Variants in ARFGEF3 observed in about 807,000 individuals in gnomAD.
ARFGEF3 encodes ARFGEF family member 3, also known as brefeldin A-inhibited guanine nucleotide-exchange protein 3.
ARFGEF3 carries 96 observed loss-of-function variants against 221.7 expected under a neutral mutation model. The observed-to-expected ratio is 0.43, with a 90% confidence interval of 0.37 to 0.51. ARFGEF3 has a LOEUF of 0.51. ARFGEF3 is among the 20% of genes least tolerant of loss of function. The pLI is 0.00. For missense variants in ARFGEF3, 2,410 were observed against 2,789.9 expected (o/e 0.86, Z 3.07); for synonymous variants, 1,145 against 1,126.8 (o/e 1.02, Z -0.32).
At position 138,169,319 on chromosome 6, in the gene ARFGEF3, T is replaced by C. The variant is rs557085934; in HGVS notation, c.86-1343T>C. ...CCTTGGGTTCCACACTGATCCCATGTGCCTGGGAGTCTCACTGCACTTAGA... is the reference window on the plus strand; with the variant it reads ...CCTTGGGTTCCACACTGATCCCATGCGCCTGGGAGTCTCACTGCACTTAGA... On this transcript the variant is annotated intron_variant, in intron 1 of 33. Transcript: ENST00000251691. Among the ~76,000 whole-genome samples, 92 of 152,364 alleles carry C rather than the reference T, an allele frequency of 6.0e-4. No homozygotes were observed. The South Asian group carries it at 0.011, about 18-fold the overall frequency.
intron 31 of ARFGEF3, among the ~76,000 whole-genome samples, chr6:138,325,693 G>A (rs1370323097): frequency 6.6e-6 from 1 of 152,194 alleles, no homozygotes; most frequent in Non-Finnish European, 1.5e-5. Flanking sequence ...ATTTGCACGT[G>A]TGCACACAGT....
chr6:138,327,733 T>G (rs376475625), intron 31 of ARFGEF3, among the ~76,000 whole-genome samples: 1 of 152,190 alleles, frequency 6.6e-6, no homozygotes, highest in African/African-American at 2.4e-5. Context: ...TAATATTAAG[T>G]GTCAATACCT....
chr6:138,191,051 A>G (rs1777294763), intron 2 of ARFGEF3, among the ~76,000 whole-genome samples: 1 of 152,156 alleles, frequency 6.6e-6, no homozygotes, highest in South Asian at 2.1e-4. Flanking sequence ...GATAATAGCC[A>G]CTGCCCCAAT....
rs142646076 is a variant in ARFGEF3 at position 138,334,678 on chromosome 6, G to A, written c.5832G>A (p.Gln1944=). The change falls in exon 33 of 34, where the codon CAG becomes CAA. Residue 1944 remains glutamine (Q), a synonymous_variant. Coordinates refer to ENST00000251691, the MANE Select transcript of ARFGEF3 (RefSeq NM_020340.5). This position sits in a 1 kb window ranked among gnomAD's most constrained non-coding sequence, Gnocchi z 5.1. ...GDPFFILPSF[Q]SESSTPSTGG... ...CGTTCTTCATCCTGCCCTCCTTCCA[G>A]TCCGAGTCATCCACCCCATCCACCG... 7.4e-6 allele frequency: 12 copies of A among 1,612,270 alleles called. No individual in the cohort carries two copies. In the African/African-American group the frequency reaches 1.5e-4, roughly 20 times the overall value.
At chr6:138,215,502 C>T (rs1777824289) in intron 4 of ARFGEF3, among the ~76,000 whole-genome samples, 1 of 152,080 alleles carries the variant, frequency 6.6e-6, no homozygotes, top group African/African-American at 2.4e-5. Context: ...TTTTTATGCA[C>T]CAGACATATT....
At chr6:138,166,030 C>T (rs1253249047) in intron 1 of ARFGEF3, among the ~76,000 whole-genome samples, 1 of 152,158 alleles carries the variant, frequency 6.6e-6, no homozygotes, top group Non-Finnish European at 1.5e-5. Flanking sequence ...GGAAAAATGG[C>T]TTCCTGGAAG....
intron 2 of ARFGEF3, among the ~76,000 whole-genome samples, chr6:138,206,612 C>T (rs1419631392): frequency 6.6e-6 from 1 of 152,244 alleles, no homozygotes; most frequent in East Asian, 1.9e-4. Flanking sequence ...GATGGTGATG[C>T]ATATAATTTC....
Position 138,162,289 on chromosome 6 carries a change from C to A in ARFGEF3, c.85+118C>A, listed in dbSNP as rs1582988801. 9.8e-6 allele frequency: 6 copies of A among 614,770 alleles called. No individual in the cohort carries two copies. The highest frequency in any genetic ancestry group is 7.1e-5 in the East Asian group (2 of 28,204). The allele number at this position is 614,770 out of a possible 1,614,324, so 38.1% of individuals were successfully genotyped here. A position where few individuals can be genotyped will look rare whatever the true frequency, so the allele number is the denominator to read the frequency against. ...GTCATGGGTGCCGTTCTGGCGATTG[C>A]GAGAGTCGCCTCGGGAAATTGATGT... On this transcript the variant is annotated intron_variant, in intron 1 of 33. Coordinates refer to ENST00000251691, the MANE Select transcript of ARFGEF3 (RefSeq NM_020340.5). This position sits in a 1 kb window ranked among gnomAD's most constrained non-coding sequence, Gnocchi z 4.7.
chr6:138,327,149 C>G (rs7743770), intron 31 of ARFGEF3, among the ~76,000 whole-genome samples: 22,753 of 152,170 alleles, frequency 0.15, 2,938 homozygotes, highest in African/African-American at 0.36. Flanking sequence ...ACAGCTAATG[C>G]ATGCTAGGCT....
intron 27 of ARFGEF3, among the ~76,000 whole-genome samples, chr6:138,318,893 A>G (rs865890680): frequency 4.9e-4 from 75 of 152,230 alleles, no homozygotes; most frequent in African/African-American, 1.8e-3. Context: ...CTGTACGTAA[A>G]TACAATAGAA....
At chr6:138,176,216 G>C (rs1228146709) in intron 2 of ARFGEF3, among the ~76,000 whole-genome samples, 5 of 137,746 alleles carry the variant, frequency 3.6e-5, no homozygotes, top group African/African-American at 5.4e-5. Flanking sequence ...GAGTCTTGCT[G>C]TGTCACCCAG....
At chr6:138,246,236 G>A (rs1204551915) in intron 8 of ARFGEF3, among the ~76,000 whole-genome samples, 3 of 151,808 alleles carry the variant, frequency 2.0e-5, no homozygotes, top group Admixed American at 1.3e-4. Context: ...CTTTCAACAT[G>A]GGGCGAAAAG....
intron 2 of ARFGEF3, among the ~76,000 whole-genome samples, chr6:138,197,824 C>A (rs774899438): frequency 2.0e-5 from 3 of 152,182 alleles, no homozygotes; most frequent in Non-Finnish European, 4.4e-5. Context: ...ACTCTCCTTA[C>A]ATCAGTCAAG....
chr6:138,304,904 A>G (rs915700375), intron 22 of ARFGEF3, among the ~76,000 whole-genome samples: 3 of 152,176 alleles, frequency 2.0e-5, no homozygotes, highest in Non-Finnish European at 2.9e-5. Context: ...AAAGCTGTCA[A>G]TGTGGATTGG....
chr6:138,323,166 T>C (rs1780064571), intron 29 of ARFGEF3, among the ~76,000 whole-genome samples: 4 of 152,180 alleles, frequency 2.6e-5, no homozygotes, highest in Admixed American at 2.6e-4. Flanking sequence ...GGGGATCCGT[T>C]GATATTTCTA....
chr6:138,218,264 C>G (rs1777912399), intron 4 of ARFGEF3: 1 of 1,609,224 alleles, frequency 6.2e-7, no homozygotes, highest in Admixed American at 1.7e-5. Context: ...ATGGTAAGAG[C>G]ACAGTTTCTG....
intron 2 of ARFGEF3, among the ~76,000 whole-genome samples, chr6:138,195,006 T>TTA (rs1190312668): frequency 1.5e-5 from 2 of 133,622 alleles, no homozygotes; most frequent in African/African-American, 5.8e-5. Context: ...TTTTTTTTTT[T>TTA]TTTTTTTTTT....
chr6:138,170,576 A>G, intron 1 of ARFGEF3, 86 bp from the exon 2 acceptor site: 1 of 727,416 alleles, frequency 1.4e-6, no homozygotes, highest in Non-Finnish European at 2.3e-6. Context: ...AATTCCTGAA[A>G]AGAGAAACTA....
At chr6:138,166,490 G>A (rs1261799968) in intron 1 of ARFGEF3, among the ~76,000 whole-genome samples, 1 of 152,170 alleles carries the variant, frequency 6.6e-6, no homozygotes, top group Admixed American at 6.5e-5. Flanking sequence ...AGTGTTAATG[G>A]CTGCAGAATA....
Sources: allele counts gnomAD v4.1 joint callset (sites outside exome capture counted in the v4.1 genomes callset), GRCh38; gene constraint gnomAD v4.1.1; non-coding constraint Gnocchi (gnomAD v3.1); transcripts MANE v1.5; gene names NCBI Gene and HGNC (gene_info 2026-07-23, HGNC 2026-07-21).